SLC49A3: variants seen among roughly 807,000 people sequenced by gnomAD.
SLC49A3 encodes solute carrier family 49 member 3.
SLC49A3 carries 50 observed loss-of-function variants against 43.8 expected under a neutral mutation model. That is an observed-to-expected ratio of 1.14 (90% CI 0.91 to 1.45). The LOEUF (loss-of-function observed/expected upper bound fraction) is 1.45, where lower values mean the gene tolerates loss of function less well. SLC49A3 is among the 40% of genes most tolerant of loss of function. The pLI is 0.00. For synonymous variants in SLC49A3, 413 were observed against 352.0 expected, an observed-to-expected ratio of 1.17 and a Z score of -1.94; for missense variants, 906 against 774.1, an observed-to-expected ratio of 1.17 and a Z score of -2.02.
Position 681,882 on chromosome 4 carries a change from C to T in SLC49A3, c.*76G>A. 2 of 1,313,536 alleles carry T rather than the reference C, an allele frequency of 1.5e-6. No homozygotes were observed. Among genetic ancestry groups the T allele is most frequent in the Non-Finnish European group, 2.0e-6 (2 of 1,022,058 alleles). 81.4% of individuals were successfully genotyped at this position (1,313,536 alleles called of 1,614,324 possible). On this transcript the variant is annotated 3_prime_UTR_variant, in exon 10 of 10. Coordinates refer to ENST00000322224, the MANE Select transcript of SLC49A3 (RefSeq NM_032219.4). The stretch of plus-strand genomic sequence containing the variant: ...GGAGCCCGCAAGGAGCCCTTTCGCC[C>T]CCGCCCGCAGGTGGACCAGATGTTC...
chr4:685,279 TACAC>T lies in SLC49A3; in HGVS notation c.586-427_586-424del, dbSNP rs1039569469. On this transcript the variant is annotated intron_variant, in intron 4 of 9. Coordinates refer to ENST00000322224, the MANE Select transcript of SLC49A3 (RefSeq NM_032219.4). The surrounding 1 kb of genome is among the most constrained non-coding windows in gnomAD (Gnocchi z 4.3). ...ATACACATGCACGAGCACACACAGG[TACAC>T]ACCACACATGTGCACAGACACACAG... 6.6e-6 allele frequency among the ~76,000 whole-genome samples: 1 copy of T among 151,586 alleles called. No individual in the cohort carries two copies. Among genetic ancestry groups the T allele is most frequent in the Non-Finnish European group, 1.5e-5 (1 of 67,944 alleles).
rs1381310195 is a variant in SLC49A3, at chr4:683,163, C to G, written c.1151+47G>C. 16 of 1,610,848 alleles carry G rather than the reference C, an allele frequency of 9.9e-6. No homozygotes were observed. In the Admixed American group the frequency reaches 1.2e-4, roughly 12 times the overall value. On this transcript the variant is annotated intron_variant, in intron 8 of 9. Coordinates refer to ENST00000322224, the MANE Select transcript of SLC49A3 (RefSeq NM_032219.4). ...CAACCCCAGGGGTGTAGGGGTGGAG[C>G]AAGGGGAGTATCTCTGGGGTTGCAG...
downstream of SLC49A3, chr4:680,140 G>C (rs1416515979): frequency 3.0e-6 from 3 of 998,922 alleles, no homozygotes; most frequent in South Asian, 5.0e-5. Flanking sequence ...CTGGCACTCT[G>C]GGAGCCAACA....
downstream of SLC49A3, chr4:681,257 G>C (rs945650930): frequency 1.0e-5 from 13 of 1,252,426 alleles, no homozygotes; most frequent in African/African-American, 1.5e-4. Flanking sequence ...ACCCAGGACA[G>C]AACAGGCCCC....
upstream of SLC49A3, among the ~76,000 whole-genome samples, chr4:690,382 T>G (rs1741780193): frequency 6.6e-6 from 1 of 151,350 alleles, no homozygotes; most frequent in Non-Finnish European, 1.5e-5. Flanking sequence ...CCGTCTAGCC[T>G]CCCCCCTCAT....
rs1445491494 is a variant in SLC49A3, at chr4:681,926, G to A, written c.*32C>T. ...GATGTTCCAGTTCGCCTCCATCGAT[G>A]TGGCGGGCAACCTGGACTACAAGGC... On this transcript the variant is annotated 3_prime_UTR_variant, in exon 10 of 10. Coordinates refer to ENST00000322224, the MANE Select transcript of SLC49A3 (RefSeq NM_032219.4). 7.6e-7 allele frequency: 1 copy of A among 1,320,916 alleles called. No individual in the cohort carries two copies. The allele number at this position is 1,320,916 out of a possible 1,614,324, so 81.8% of individuals were successfully genotyped here.
At chr4:678,149 G>C, downstream of SLC49A3, 1 of 1,550,158 alleles carries the variant, frequency 6.5e-7, no homozygotes, top group Non-Finnish European at 8.7e-7. Flanking sequence ...GCAGGTGTGG[G>C]CGTGTGCTCT....
Position 686,195 on chromosome 4 carries a change from G to A in SLC49A3, c.402C>T (p.Ser134=), listed in dbSNP as rs781542784. 1.2e-6 allele frequency: 2 copies of A among 1,613,428 alleles called. No homozygotes were observed. The highest frequency in any genetic ancestry group is 2.7e-5 in the African/African-American group (2 of 74,950). ...NPFAFLMGGQ[S]LCALAQSLVI... ...CCAGGCTCTGGGCAAGGGCACAGAGGCTCTGGCCACCCATGAGGAAGGCAA... is the reference window on the plus strand; with the variant it reads ...CCAGGCTCTGGGCAAGGGCACAGAGACTCTGGCCACCCATGAGGAAGGCAA... The change falls in exon 3 of 10, where the codon AGC becomes AGT. Residue 134 remains serine, a synonymous_variant. Coordinates refer to ENST00000322224, the MANE Select transcript of SLC49A3 (RefSeq NM_032219.4).
chr4:677,891 C>T, downstream of SLC49A3: 2 of 1,484,982 alleles, frequency 1.3e-6, no homozygotes, highest in Non-Finnish European at 1.9e-6. Context: ...CTGTCCAGTC[C>T]CCTGGGGTAG....
Position 686,114 on chromosome 4 carries a change from G to A in SLC49A3, c.483C>T (p.Ala161=), listed in dbSNP as rs1577365304. ...AALWFPEHQR[A]TANMLATMSN... ...ACATGGTGGCGAGCATGTTGGCCGT[G>A]GCTCGCTGGTGCTCTGGGAACCACA... Residue 161 remains alanine, a synonymous_variant, in exon 3 of 10, where the codon GCC becomes GCT. Coordinates refer to ENST00000322224, the MANE Select transcript of SLC49A3 (RefSeq NM_032219.4). 1 of 1,613,086 alleles carries A rather than the reference G, an allele frequency of 6.2e-7. No individual in the cohort carries two copies.
At chr4:687,513 T>C (rs1741290290) in intron 1 of SLC49A3, among the ~76,000 whole-genome samples, 2 of 152,120 alleles carry the variant, frequency 1.3e-5, no homozygotes, top group African/African-American at 4.8e-5. Flanking sequence ...GCCCAGCTGG[T>C]GCCTGCCTGG....
At chr4:683,055 A>G (rs1378565583) in intron 8 of SLC49A3, among the ~76,000 whole-genome samples, 155 bp downstream of exon 8, 1 of 152,152 alleles carries the variant, frequency 6.6e-6, no homozygotes, top group Non-Finnish European at 1.5e-5. Context: ...GCCTGCACAC[A>G]GCAGGTGCTC....
At chr4:681,497 C>T (rs541021398), downstream of SLC49A3, among the ~76,000 whole-genome samples, 21 of 150,482 alleles carry the variant, frequency 1.4e-4, no homozygotes, top group South Asian at 3.0e-3. Context: ...CGGGCCACCC[C>T]TCAGGACCCC....
Position 681,858 on chromosome 4 carries a change from GAGCCCGC to G in SLC49A3, c.*93_*99del. 7.7e-7 allele frequency: 1 copy of G among 1,306,474 alleles called. No homozygotes were observed. The highest frequency in any genetic ancestry group is 9.8e-7 in the Non-Finnish European group (1 of 1,019,464). The allele number at this position is 1,306,474 out of a possible 1,614,324, so 80.9% of individuals were successfully genotyped here. ...GGTGCGCGCTTGTAATTCGCTCCCG[GAGCCCGC>G]AAGGAGCCCTTTCGCCCCCGCCCGC... On this transcript the variant is annotated 3_prime_UTR_variant, in exon 10 of 10. Coordinates refer to ENST00000322224, the MANE Select transcript of SLC49A3 (RefSeq NM_032219.4).
Position 681,939 on chromosome 4 carries a change from T to G in SLC49A3, c.*19A>C, listed in dbSNP as rs1294470632. 3.0e-6 allele frequency: 4 copies of G among 1,332,112 alleles called. No homozygotes were observed. The highest frequency in any genetic ancestry group is 3.9e-6 in the Non-Finnish European group (4 of 1,029,830). The allele number at this position is 1,332,112 out of a possible 1,614,324, so 82.5% of individuals were successfully genotyped here. On this transcript the variant is annotated 3_prime_UTR_variant, in exon 10 of 10. Coordinates refer to ENST00000322224, the MANE Select transcript of SLC49A3 (RefSeq NM_032219.4). ...GCCTCCATCGATGTGGCGGGCAACC[T>G]GGACTACAAGGCGCTCAGCTACGTG...
intron 9 of SLC49A3, 33 bp downstream of exon 9, chr4:682,748 C>T (rs1740046270): frequency 6.7e-7 from 1 of 1,494,118 alleles, no homozygotes; most frequent in African/African-American, 1.4e-5. Context: ...CTCACCTGTC[C>T]TGTTCCCTGG....
chr4:685,959 C>A lies in SLC49A3; in HGVS notation c.509-48G>T. On this transcript the variant is annotated intron_variant, in intron 3 of 9. Coordinates refer to ENST00000322224, the MANE Select transcript of SLC49A3 (RefSeq NM_032219.4). The surrounding 1 kb of genome is among the most constrained non-coding windows in gnomAD (Gnocchi z 4.3). ...TGTCAGCTCGGCTGTGGCCTGGCTTCATCGCCAGCCCACAGGCAGAACCTT... is the reference window on the plus strand; with the variant it reads ...TGTCAGCTCGGCTGTGGCCTGGCTTAATCGCCAGCCCACAGGCAGAACCTT... 3 of 1,611,934 alleles carry A rather than the reference C, an allele frequency of 1.9e-6. No homozygotes were observed. Among genetic ancestry groups the A allele is most frequent in the Non-Finnish European group, 2.5e-6 (3 of 1,179,040 alleles).
chr4:686,652 A>G lies in SLC49A3; in HGVS notation c.174T>C (p.Ala58=). The G allele has an allele frequency of 6.2e-7, 1 of 1,613,238 alleles. No homozygotes were observed. Among genetic ancestry groups the G allele is most frequent in the Middle Eastern group, 1.6e-4 (1 of 6,062 alleles). The part of the protein sequence containing the change: ...LSFAPVADVI[A]EDLVLSMEQI... ...GCTCCATGGACAGGACCAAGTCCTC[A>G]GCAATGACGTCAGCCACAGGTGCAA... is the stretch of plus-strand genomic sequence containing the variant. Residue 58 remains alanine (A), a synonymous_variant, in exon 2 of 10, where the codon GCT becomes GCC. Transcript: ENST00000322224.
At chr4:680,494 G>A, downstream of SLC49A3, 2 of 1,613,490 alleles carry the variant, frequency 1.2e-6, no homozygotes, top group East Asian at 2.2e-5. Flanking sequence ...TGGGCTGAAG[G>A]TGCCTTTGTG....
Sources: allele counts gnomAD v4.1 joint callset (sites outside exome capture counted in the v4.1 genomes callset), GRCh38; gene constraint gnomAD v4.1.1; non-coding constraint Gnocchi (gnomAD v3.1); transcripts MANE v1.5; gene names NCBI Gene and HGNC (gene_info 2026-07-23, HGNC 2026-07-21).